PEAK1: variants seen among roughly 807,000 people sequenced by gnomAD.
PEAK1 encodes the protein pseudopodium enriched atypical kinase 1, also known as inactive tyrosine-protein kinase PEAK1.
PEAK1 carries 54 observed loss-of-function variants against 124.7 expected under a neutral mutation model. That is an observed-to-expected ratio of 0.43 (90% CI 0.35 to 0.54). The LOEUF (loss-of-function observed/expected upper bound fraction) is 0.54, where lower values mean the gene tolerates loss of function less well. PEAK1 is among the 20% of genes least tolerant of loss of function. The pLI, the probability that PEAK1 is intolerant of heterozygous loss-of-function variation, is 0.01. For synonymous variants in PEAK1, 719 were observed against 760.0 expected (o/e 0.95, Z 0.89); for missense variants, 2,046 against 2,134.5 (o/e 0.96, Z 0.82).
At chr15:77,245,032 T>C (rs143952998) in intron 6 of PEAK1, among the ~76,000 whole-genome samples, 1,681 of 152,310 alleles carry the variant, frequency 0.011, 38 homozygotes, top group African/African-American at 0.038. Context: ...GTTCCAATAA[T>C]TCCCCCTACC....
intron 2 of PEAK1, among the ~76,000 whole-genome samples, chr15:77,305,881 T>C (rs1049706300): frequency 2.6e-5 from 4 of 152,236 alleles, no homozygotes; most frequent in Non-Finnish European, 5.9e-5. Context: ...TGTGTTGCTA[T>C]TTTTTATTTT....
rs539697913 is a variant in PEAK1 at position 77,282,862 on chromosome 15, A to AAAAATT, written c.-275+1015_-275+1020dup. The stretch of plus-strand genomic sequence containing the variant: ...CTGAGTTATCTCAAAACAAAAACCA[A>AAAAATT]AAAATTAATTACTATGAAGGGTCCT... On this transcript the variant is annotated intron_variant, in intron 5 of 9. Coordinates refer to ENST00000682557, the MANE Select transcript of PEAK1 (RefSeq NM_001385026.1). Among the ~76,000 whole-genome samples the AAAAATT allele has an allele frequency of 1.7e-3, 263 of 152,214 alleles. 1 individual carries two copies. Among genetic ancestry groups the AAAAATT allele is most frequent in the South Asian group, 4.3e-3 (21 of 4,830 alleles).
At chr15:77,247,444 TG>T (rs2060638462) in intron 6 of PEAK1, among the ~76,000 whole-genome samples, 1 of 151,214 alleles carries the variant, frequency 6.6e-6, no homozygotes, top group Non-Finnish European at 1.5e-5. Context: ...ATGGGTCATA[TG>T]GGGTTTTTAA....
At chr15:77,116,375 C>G (rs1489917568) in intron 9 of PEAK1, among the ~76,000 whole-genome samples, 1 of 152,062 alleles carries the variant, frequency 6.6e-6, no homozygotes, top group Non-Finnish European at 1.5e-5. Context: ...TCAAAGGCTC[C>G]CAGGAACATG....
Position 77,254,377 on chromosome 15 carries a change from C to A in PEAK1, c.-274-1851G>T, listed in dbSNP as rs2061027658. Among the ~76,000 whole-genome samples the A allele has an allele frequency of 2.0e-5, 3 of 151,904 alleles. No individual in the cohort carries two copies. In the South Asian group the frequency reaches 6.2e-4, roughly 32 times the overall value. On this transcript the variant is annotated intron_variant, in intron 5 of 9. Coordinates refer to ENST00000682557, the MANE Select transcript of PEAK1 (RefSeq NM_001385026.1). ...ATATGTTCTTTTATAAAAATTTTTT[C>A]TCTTTATTCTTATTTTTTATTTTCT...
chr15:77,401,890 AG>A, intron 1 of PEAK1: 1 of 985,382 alleles, frequency 1.0e-6, no homozygotes, highest in African/African-American at 1.7e-5. Flanking sequence ...AGCAAGATAC[AG>A]AAGTAGCAAG....
intron 6 of PEAK1, among the ~76,000 whole-genome samples, chr15:77,198,565 T>C (rs2058216560): frequency 6.6e-6 from 1 of 152,186 alleles, no homozygotes; most frequent in African/African-American, 2.4e-5. Context: ...TCATGAGCCA[T>C]CAATGCAGCA....
At chr15:77,227,612 T>C (rs2059734208) in intron 6 of PEAK1, among the ~76,000 whole-genome samples, 1 of 151,982 alleles carries the variant, frequency 6.6e-6, no homozygotes, top group African/African-American at 2.4e-5. Flanking sequence ...GATACAACCA[T>C]CTCCAAAATG....
chr15:77,229,287 A>T (rs371618251), intron 6 of PEAK1, among the ~76,000 whole-genome samples: 1 of 152,226 alleles, frequency 6.6e-6, no homozygotes, highest in Non-Finnish European at 1.5e-5. Context: ...TAACCTGCAG[A>T]GACATCCTTA....
exon 7 of PEAK1, chr15:77,100,949 C>G (rs979817764): frequency 6.6e-6 from 1 of 152,272 alleles, no homozygotes; most frequent in African/African-American, 2.4e-5. Context: ...CTGATGTGGG[C>G]AGCAGGCTCC....
chr15:77,131,902 AC>A (rs2052893583), intron 9 of PEAK1, among the ~76,000 whole-genome samples: 1 of 151,962 alleles, frequency 6.6e-6, no homozygotes, highest in Non-Finnish European at 1.5e-5. Context: ...ACATAGTGAG[AC>A]CACCACCTCT....
intron 7 of PEAK1, among the ~76,000 whole-genome samples, chr15:77,164,127 T>C (rs950803237): frequency 2.6e-5 from 4 of 152,260 alleles, no homozygotes; most frequent in African/African-American, 9.6e-5. Flanking sequence ...CTCCTACGAA[T>C]GTGACATTTC....
intron 7 of PEAK1, among the ~76,000 whole-genome samples, chr15:77,162,035 G>A (rs1002132223): frequency 6.7e-6 from 1 of 149,468 alleles, no homozygotes; most frequent in Non-Finnish European, 1.5e-5. Flanking sequence ...TTTAAGGTTA[G>A]ATATAACAAT....
intron 6 of PEAK1, among the ~76,000 whole-genome samples, chr15:77,226,066 T>TATATA (rs2059649210): frequency 3.0e-5 from 4 of 135,364 alleles, no homozygotes; most frequent in Admixed American, 1.5e-4. Flanking sequence ...TATATATATA[T>TATATA]ATATATATAT....
intron 1 of PEAK1, among the ~76,000 whole-genome samples, chr15:77,413,730 G>GT (rs1165308228): frequency 6.6e-6 from 1 of 152,198 alleles, no homozygotes; most frequent in Non-Finnish European, 1.5e-5. Context: ...TTGAAGCATC[G>GT]TACCAATACT....
chr15:77,143,137 C>T (rs1481292796), intron 8 of PEAK1, among the ~76,000 whole-genome samples: 2 of 152,106 alleles, frequency 1.3e-5, no homozygotes, highest in Non-Finnish European at 2.9e-5. Flanking sequence ...GGTCTCCTTC[C>T]CAAAGCTGCC....
At chr15:77,333,614 C>T in intron 2 of PEAK1, 2 of 961,208 alleles carry the variant, frequency 2.1e-6, no homozygotes, top group Non-Finnish European at 2.5e-6. Context: ...AATCTTAGCT[C>T]ATGGCATGAA....
In PEAK1 at chr15:77,110,006, A is replaced by G. The variant is rs1596202461; in HGVS notation, c.*4150T>C. On this transcript the variant is annotated 3_prime_UTR_variant, in exon 10 of 10. Transcript: ENST00000682557. Reference sequence around the variant, plus strand: ...GCAGTCAAATCTAGCGAAAACCCTAATTCCAGCAAAACCAAATGTCAGGTT... The same window carrying G: ...GCAGTCAAATCTAGCGAAAACCCTAGTTCCAGCAAAACCAAATGTCAGGTT... 6.6e-6 allele frequency: 1 copy of G among 152,330 alleles called. No homozygotes were observed. Among genetic ancestry groups the G allele is most frequent in the Non-Finnish European group, 1.5e-5 (1 of 68,020 alleles). The allele number at this position is 152,330 out of a possible 1,614,324, so 9.4% of individuals were successfully genotyped here. A position where few individuals can be genotyped will look rare whatever the true frequency, so the allele number is the denominator to read the frequency against.
intron 6 of PEAK1, among the ~76,000 whole-genome samples, chr15:77,245,918 C>G (rs1196122706): frequency 6.6e-6 from 1 of 151,930 alleles, no homozygotes; most frequent in Non-Finnish European, 1.5e-5. Context: ...CACTTTGTTT[C>G]TATTCAGAAT....
Sources: allele counts gnomAD v4.1 joint callset (sites outside exome capture counted in the v4.1 genomes callset), GRCh38; gene constraint gnomAD v4.1.1; transcripts MANE v1.5; gene names NCBI Gene and HGNC (gene_info 2026-07-23, HGNC 2026-07-21).